The following LTBP1 variants were observed in gnomAD, a reference collection of about 807,000 sequenced individuals.
The protein encoded by LTBP1 is latent-transforming growth factor beta-binding protein 1.
Under a neutral mutation model 207.6 loss-of-function variants are expected in LTBP1, and 129 were observed. The ratio of observed to expected loss-of-function variants is 0.62; its 90% CI spans 0.54 to 0.72. The LOEUF is 0.72. Ranked by LOEUF, LTBP1 falls within the 30% of genes least tolerant of loss-of-function variation. The probability of loss-of-function intolerance (pLI) is 0.00; values close to 1 mark genes in which losing one functional copy is unlikely to be tolerated. For missense variants in LTBP1, 2,281 were observed against 2,217.2 expected, an observed-to-expected ratio of 1.03 and a Z score of -0.58; for synonymous variants, 963 against 833.7, an observed-to-expected ratio of 1.16 and a Z score of -2.67.
intron 2 of LTBP1, among the ~76,000 whole-genome samples, chr2:32,962,127 A>G (rs1679223273): frequency 1.3e-5 from 2 of 152,144 alleles, no homozygotes; most frequent in South Asian, 2.1e-4. Context: ...TTTGGTAACT[A>G]AAGAATTGGT....
At chr2:33,033,510 G>A (rs780973072) in intron 3 of LTBP1, among the ~76,000 whole-genome samples, 339 of 152,104 alleles carry the variant, frequency 2.2e-3, no homozygotes, top group Non-Finnish European at 3.7e-3. Flanking sequence ...AGATGCAAGC[G>A]GGAAAGAGAT....
At chr2:33,113,952 T>A (rs1407573830) in intron 4 of LTBP1, among the ~76,000 whole-genome samples, 1 of 152,242 alleles carries the variant, frequency 6.6e-6, no homozygotes, top group Non-Finnish European at 1.5e-5. Context: ...GTGATTCTCC[T>A]GCCTCAGCCT....
rs538354194 is a variant in LTBP1 at position 33,239,627 on chromosome 2, A to ACACTTTGGGAGGCTGAG, written c.1877-4021_1877-4005dup. On this transcript the variant is annotated intron_variant, in intron 9 of 33. Transcript: ENST00000404816. Reference sequence around the variant, plus strand: ...GACTTGGCCGGATGCAGTGGCTCACACACTTTGGGAGGCTGAGCACTTTGG... The same window carrying ACACTTTGGGAGGCTGAG: ...GACTTGGCCGGATGCAGTGGCTCACACACTTTGGGAGGCTGAGCACTTTGGGAGGCTGAGCACTTTGG... 3.2e-4 allele frequency among the ~76,000 whole-genome samples: 49 copies of ACACTTTGGGAGGCTGAG among 152,048 alleles called. No individual in the cohort carries two copies. The East Asian group carries it at 6.4e-3, about 20-fold the overall frequency.
intron 14 of LTBP1, 85 bp from the exon 15 acceptor site, chr2:33,263,209 C>G: frequency 1.2e-6 from 1 of 815,150 alleles, no homozygotes. Flanking sequence ...TATTGCTAGA[C>G]TAAATTATGC....
At chr2:33,268,431 C>T (rs6730165) in intron 15 of LTBP1, among the ~76,000 whole-genome samples, 4 of 152,102 alleles carry the variant, frequency 2.6e-5, no homozygotes, top group African/African-American at 9.7e-5. Flanking sequence ...GTGATTATAT[C>T]TTTACGATGG....
intron 3 of LTBP1, among the ~76,000 whole-genome samples, chr2:33,075,925 C>T (rs1208272534): frequency 6.6e-6 from 1 of 152,106 alleles, no homozygotes; most frequent in Non-Finnish European, 1.5e-5. Flanking sequence ...TCTTTTCAGG[C>T]TATGAGATAT....
intron 7 of LTBP1, among the ~76,000 whole-genome samples, chr2:33,193,135 T>A (rs558809721): frequency 6.6e-6 from 1 of 152,126 alleles, no homozygotes; most frequent in Non-Finnish European, 1.5e-5. Context: ...GAAAATATCC[T>A]TATTCTTTTT....
At chr2:33,125,196 C>T (rs218202) in intron 4 of LTBP1, among the ~76,000 whole-genome samples, 152,165 of 152,332 alleles carry the variant, frequency 1, 75,999 homozygotes, top group Non-Finnish European at 1. Flanking sequence ...TGGGGCGTAT[C>T]GAGGAAAGAA....
Position 33,309,548 on chromosome 2 carries a change from C to T in LTBP1, c.3596C>T (p.Thr1199Ile), listed in dbSNP as rs1255884531. The part of the protein sequence containing the change: ...PDGFQLDDNK[T>I]CQDINECEHP... ...GGATTTCAGCTAGATGACAATAAAA[C>T]ATGTCAAGGTATTTCTTGCTCTTTT... The change falls in exon 23 of 34, where the codon ACA (threonine) becomes ATA (isoleucine). Residue 1199 changes from threonine (T) to isoleucine (I), a missense_variant. By Grantham distance (89) the Thr-to-Ile change is moderately conservative (BLOSUM62 -1). This residue lies in a region of LTBP1 where 1,671 missense variants were observed against 1,634.8 expected (regional missense o/e 1.02). Transcript: ENST00000404816. The T allele has an allele frequency of 6.2e-7, 1 of 1,604,786 alleles. No homozygotes were observed. The highest frequency in any genetic ancestry group is 8.5e-7 in the Non-Finnish European group (1 of 1,177,138).
At chr2:32,987,816 A>C (rs1427634735) in intron 2 of LTBP1, among the ~76,000 whole-genome samples, 1 of 152,200 alleles carries the variant, frequency 6.6e-6, no homozygotes, top group East Asian at 1.9e-4. Context: ...GAACTAGAAT[A>C]ATGGTTCCCT....
chr2:33,090,799 A>C (rs2079040635), intron 3 of LTBP1, among the ~76,000 whole-genome samples: 1 of 152,220 alleles, frequency 6.6e-6, no homozygotes, highest in African/African-American at 2.4e-5. Flanking sequence ...TAGCAATGAA[A>C]TATAACTCAA....
chr2:32,979,809 G>T (rs758391024), intron 2 of LTBP1, among the ~76,000 whole-genome samples: 15 of 152,000 alleles, frequency 9.9e-5, no homozygotes, highest in African/African-American at 3.1e-4. Context: ...TTTTGTTAGG[G>T]TCTATCTCTC....
chr2:33,245,953 T>C (rs553211930), intron 10 of LTBP1, among the ~76,000 whole-genome samples: 33 of 152,356 alleles, frequency 2.2e-4, no homozygotes, highest in South Asian at 1.4e-3. Flanking sequence ...CATCCAGGTT[T>C]TAATAAGATT....
At chr2:33,097,569 T>A (rs2079465720) in intron 3 of LTBP1, among the ~76,000 whole-genome samples, 2 of 152,212 alleles carry the variant, frequency 1.3e-5, no homozygotes, top group South Asian at 2.1e-4. Context: ...AAAATTCAAC[T>A]TTATTTTGTT....
At chr2:33,356,641 C>G (rs1322392168) in intron 26 of LTBP1, among the ~76,000 whole-genome samples, 2 of 152,124 alleles carry the variant, frequency 1.3e-5, no homozygotes, top group Non-Finnish European at 2.9e-5. Flanking sequence ...CAGAGTGAGT[C>G]TGTCTCAAAA....
chr2:33,058,791 T>G (rs1417821018), intron 3 of LTBP1, among the ~76,000 whole-genome samples: 3 of 152,252 alleles, frequency 2.0e-5, no homozygotes, highest in Non-Finnish European at 4.4e-5. Flanking sequence ...TCAATGTGTT[T>G]ACTCTTCTTT....
chr2:33,308,630 T>C (rs780648331), intron 22 of LTBP1, among the ~76,000 whole-genome samples: 4 of 152,222 alleles, frequency 2.6e-5, no homozygotes, highest in Admixed American at 6.5e-5. Context: ...CAGATAATTA[T>C]ATTTTGTGAC....
At chr2:33,376,957 TA>T (rs1209316649) in intron 31 of LTBP1, among the ~76,000 whole-genome samples, 1 of 152,050 alleles carries the variant, frequency 6.6e-6, no homozygotes, top group Non-Finnish European at 1.5e-5. Flanking sequence ...TGTGTGTTTT[TA>T]AAAAATAACC....
At chr2:33,327,198 A>T (rs2094438855) in intron 24 of LTBP1, among the ~76,000 whole-genome samples, 1 of 152,210 alleles carries the variant, frequency 6.6e-6, no homozygotes, top group African/African-American at 2.4e-5. Context: ...ATCCAGACCC[A>T]GTGTCTCCTT....
Sources: gnomAD v4.1 joint callset for allele counts (sites outside exome capture counted in the v4.1 genomes callset) on GRCh38, gnomAD v4.1.1 for gene constraint, gnomAD v4.1.1 regional missense constraint, MANE v1.5 for transcripts, NCBI Gene and HGNC (gene_info 2026-07-23, HGNC 2026-07-21) for gene names.